Variants in CAMSAP2 observed in about 807,000 individuals in gnomAD.
CAMSAP2 encodes calmodulin regulated spectrin associated protein family member 2.
A neutral mutation model predicts 146.1 loss-of-function variants in CAMSAP2; 26 were observed. That is an observed-to-expected ratio of 0.18 (90% CI 0.13 to 0.25). The LOEUF (loss-of-function observed/expected upper bound fraction) is 0.25. Ranked by LOEUF, CAMSAP2 falls within the 10% of genes least tolerant of loss-of-function variation. The pLI is 1.00. For missense variants in CAMSAP2, 1,381 were observed against 1,759.3 expected (o/e 0.78, Z 3.85); for synonymous variants, 499 against 596.6 (o/e 0.84, Z 2.38).
chr1:200,826,905 C>T (rs1666920651), intron 4 of CAMSAP2, among the ~76,000 whole-genome samples: 1 of 152,000 alleles, frequency 6.6e-6, no homozygotes, highest in Non-Finnish European at 1.5e-5. Flanking sequence ...AACCTTTGTC[C>T]TCGTGGTTAT....
intron 3 of CAMSAP2, among the ~76,000 whole-genome samples, chr1:200,810,355 G>A (rs535840496): frequency 2.9e-3 from 435 of 152,212 alleles, no homozygotes; most frequent in African/African-American, 9.5e-3. Context: ...CCAGGCAGGC[G>A]GATCACCTGA....
intron 2 of CAMSAP2, among the ~76,000 whole-genome samples, chr1:200,778,724 T>C (rs1003736706): frequency 6.6e-6 from 1 of 152,194 alleles, no homozygotes; most frequent in African/African-American, 2.4e-5. Context: ...ACCAATGATA[T>C]ATTTTAGAAA....
At chr1:200,784,752 T>C (rs1485942885) in intron 2 of CAMSAP2, among the ~76,000 whole-genome samples, 1 of 152,212 alleles carries the variant, frequency 6.6e-6, no homozygotes, top group East Asian at 1.9e-4. Flanking sequence ...CGCTTCTTAT[T>C]GCACTGCCAA....
intron 2 of CAMSAP2, among the ~76,000 whole-genome samples, chr1:200,775,326 G>T (rs1387154735): frequency 6.6e-6 from 1 of 152,200 alleles, no homozygotes; most frequent in Non-Finnish European, 1.5e-5. Flanking sequence ...AGTGATAAGA[G>T]ATCTGGTTGA....
At chr1:200,812,396 A>T (rs1666356922) in intron 3 of CAMSAP2, among the ~76,000 whole-genome samples, 1 of 152,220 alleles carries the variant, frequency 6.6e-6, no homozygotes, top group Admixed American at 6.5e-5. Flanking sequence ...AATGTTCAGC[A>T]CCTTTATGCA....
chr1:200,785,564 A>G (rs1665564121), intron 2 of CAMSAP2, among the ~76,000 whole-genome samples: 1 of 151,152 alleles, frequency 6.6e-6, no homozygotes, highest in Non-Finnish European at 1.5e-5. Flanking sequence ...TAATTTTTGT[A>G]TTTTTAGTAG....
At chr1:200,767,495 T>TTTTTAA (rs1664987565) in intron 2 of CAMSAP2, among the ~76,000 whole-genome samples, 1 of 120,256 alleles carries the variant, frequency 8.3e-6, no homozygotes, top group African/African-American at 3.1e-5. Flanking sequence ...TTTTTTTTTT[T>TTTTTAA]AAACATATTG....
At chr1:200,796,901 T>C (rs1665899520) in intron 2 of CAMSAP2, among the ~76,000 whole-genome samples, 1 of 150,618 alleles carries the variant, frequency 6.6e-6, no homozygotes, top group South Asian at 2.1e-4. Context: ...AATTCCCACC[T>C]ATGAGTGAGA....
At chr1:200,854,165 A>G (rs371286282) in intron 13 of CAMSAP2, among the ~76,000 whole-genome samples, 9 of 151,878 alleles carry the variant, frequency 5.9e-5, no homozygotes, top group East Asian at 3.9e-4. Context: ...TATTTTTTGT[A>G]CAGATGGGGT....
At chr1:200,797,192 G>A (rs1665908826) in intron 2 of CAMSAP2, among the ~76,000 whole-genome samples, 1 of 151,056 alleles carries the variant, frequency 6.6e-6, no homozygotes, top group African/African-American at 2.4e-5. Flanking sequence ...ACCCAGTAAT[G>A]GGATGGCTGG....
intron 2 of CAMSAP2, among the ~76,000 whole-genome samples, chr1:200,786,445 G>T (rs557702517): frequency 6.6e-6 from 1 of 150,880 alleles, no homozygotes; most frequent in South Asian, 2.1e-4. Flanking sequence ...GTGCAGTGGC[G>T]CAATCTCAGC....
intron 1 of CAMSAP2, among the ~76,000 whole-genome samples, chr1:200,758,783 T>A (rs1341786304): frequency 6.6e-6 from 1 of 152,196 alleles, no homozygotes; most frequent in Non-Finnish European, 1.5e-5. Context: ...CCTCATAACG[T>A]AGGCTTATTA....
intron 11 of CAMSAP2, among the ~76,000 whole-genome samples, chr1:200,851,388 T>C (rs1222611988): frequency 2.6e-5 from 4 of 151,972 alleles, no homozygotes; most frequent in African/African-American, 9.7e-5. Flanking sequence ...AGAGATGGGG[T>C]TTCTCCACGT....
chr1:200,830,033 C>A (rs999728205), intron 4 of CAMSAP2, among the ~76,000 whole-genome samples: 2 of 152,124 alleles, frequency 1.3e-5, no homozygotes, highest in Non-Finnish European at 1.5e-5. Flanking sequence ...GGGGTTCTTT[C>A]TAAATGCCAA....
chr1:200,756,313 T>C (rs1391319276), intron 1 of CAMSAP2, among the ~76,000 whole-genome samples: 2 of 151,642 alleles, frequency 1.3e-5, no homozygotes, highest in African/African-American at 2.4e-5. Context: ...ATTAGCTGGG[T>C]GTGGTGGCAC....
chr1:200,765,150 A>C (rs79219310), intron 2 of CAMSAP2, among the ~76,000 whole-genome samples: 10,779 of 152,078 alleles, frequency 0.071, 742 homozygotes, highest in African/African-American at 0.18. Flanking sequence ...TCTCAAAACA[A>C]AAACATTTCT....
intron 11 of CAMSAP2, among the ~76,000 whole-genome samples, chr1:200,852,042 A>C (rs779752729): frequency 6.6e-6 from 1 of 152,228 alleles, no homozygotes. Flanking sequence ...AATGTTCATT[A>C]TAGTTCAGAA....
At chr1:200,764,990 G>C (rs955874330) in intron 2 of CAMSAP2, among the ~76,000 whole-genome samples, 1 of 152,032 alleles carries the variant, frequency 6.6e-6, no homozygotes, top group Non-Finnish European at 1.5e-5. Flanking sequence ...TGTAATCCCA[G>C]CTACATGGGA....
chr1:200,831,038 A>C (rs745988153), intron 4 of CAMSAP2, among the ~76,000 whole-genome samples: 11 of 152,184 alleles, frequency 7.2e-5, no homozygotes, highest in Non-Finnish European at 1.5e-4. Context: ...TTATTCTCAC[A>C]AAAGTGTTTT....
Sources: allele counts gnomAD v4.1 joint callset (sites outside exome capture counted in the v4.1 genomes callset), GRCh38; gene constraint gnomAD v4.1.1; transcripts MANE v1.5; gene names NCBI Gene and HGNC (gene_info 2026-07-23, HGNC 2026-07-21).